CSMD1: variants seen among roughly 807,000 people sequenced by gnomAD.
The protein encoded by CSMD1 is CUB and Sushi multiple domains 1.
CSMD1 carries 213 observed loss-of-function variants against 417.5 expected under a neutral mutation model. The observed-to-expected ratio is 0.51, with a 90% confidence interval of 0.46 to 0.57. CSMD1 has a LOEUF of 0.57. Ranked by LOEUF, CSMD1 falls within the 20% of genes least tolerant of loss-of-function variation. The pLI is 0.00. For missense variants in CSMD1, 6,923 were observed against 4,529.7 expected, an observed-to-expected ratio of 1.53 and a Z score of -15.17; for synonymous variants, 2,862 against 1,736.8, an observed-to-expected ratio of 1.65 and a Z score of -16.11.
chr8:4,109,007 G>A (rs1381484273), intron 3 of CSMD1, among the ~76,000 whole-genome samples: 1 of 152,148 alleles, frequency 6.6e-6, no homozygotes, highest in Non-Finnish European at 1.5e-5. Flanking sequence ...ATTGGTTTCA[G>A]GACCTCCATG....
chr8:4,197,544 A>G (rs1799410557), intron 3 of CSMD1, among the ~76,000 whole-genome samples: 1 of 152,166 alleles, frequency 6.6e-6, no homozygotes, highest in African/African-American at 2.4e-5. Flanking sequence ...TCTTCCAACT[A>G]AAACACTGGT....
rs183437349 is a variant in CSMD1, at chr8:3,021,313, T to C, written c.7856-2663A>G. Among the ~76,000 whole-genome samples, 554 of 152,330 alleles carry C rather than the reference T, an allele frequency of 3.6e-3. 3 individuals carry two copies. Among genetic ancestry groups the C allele is most frequent in the African/African-American group, 0.012 (511 of 41,568 alleles). ...TTTTAGCTTTTCAGTAGCTGAATAA[T>C]AGAATTTCAGACCCAGAGTTTCCTT... On this transcript the variant is annotated intron_variant, in intron 51 of 69. Transcript: ENST00000635120.
rs1816989445 is a variant in CSMD1, at chr8:3,118,400, A to G, written c.6429T>C (p.Asp2143=). Residue 2143 remains aspartate, a splice_region_variant and synonymous_variant, in exon 42 of 70, where the codon GAT becomes GAC. Transcript: ENST00000635120. ...CCCCATGCAAAGTGATGAACTTACCATCACATCTTGGAAAAGGGTAGTTCC... is the reference window on the plus strand; with the variant it reads ...CCCCATGCAAAGTGATGAACTTACCGTCACATCTTGGAAAAGGGTAGTTCC... ...RNWNYPFPRC[D]APCGYNVTSQ... 1.9e-6 allele frequency: 3 copies of G among 1,611,244 alleles called. No individual in the cohort carries two copies. The highest frequency in any genetic ancestry group is 2.5e-6 in the Non-Finnish European group (3 of 1,178,240).
intron 1 of CSMD1, among the ~76,000 whole-genome samples, chr8:4,955,181 C>T (rs1044959879): frequency 6.6e-6 from 1 of 152,126 alleles, no homozygotes; most frequent in Admixed American, 6.5e-5. Context: ...ACCTACGGGG[C>T]TGTTCCCGTT....
At chr8:3,456,726 C>G (rs1373660555) in intron 12 of CSMD1, among the ~76,000 whole-genome samples, 1 of 152,080 alleles carries the variant, frequency 6.6e-6, no homozygotes, top group East Asian at 1.9e-4. Context: ...ATATTTGGAG[C>G]TGTTGATTTC....
chr8:3,169,685 G>C (rs1459268329), intron 37 of CSMD1, among the ~76,000 whole-genome samples: 1 of 151,986 alleles, frequency 6.6e-6, no homozygotes, highest in Non-Finnish European at 1.5e-5. Flanking sequence ...CAATAGAAAG[G>C]ACTGAGGAGC....
chr8:4,229,101 G>A (rs890034859), intron 3 of CSMD1, among the ~76,000 whole-genome samples: 3 of 152,190 alleles, frequency 2.0e-5, no homozygotes, highest in Admixed American at 6.5e-5. Context: ...TCCCAAGTGT[G>A]CTTTTCCACA....
intron 18 of CSMD1, among the ~76,000 whole-genome samples, 156 bp from the exon 19 acceptor site, chr8:3,369,526 G>T (rs1809814917): frequency 6.6e-6 from 1 of 152,128 alleles, no homozygotes; most frequent in Non-Finnish European, 1.5e-5. Flanking sequence ...TATGTTACTT[G>T]CAAATATCAT....
intron 41 of CSMD1, among the ~76,000 whole-genome samples, chr8:3,134,114 G>A (rs921970677): frequency 6.6e-6 from 1 of 152,308 alleles, no homozygotes; most frequent in Middle Eastern, 3.4e-3. Context: ...AGAGGTTGCA[G>A]TGAGCCGAGA....
chr8:3,428,995 A>G (rs995544322), intron 12 of CSMD1, among the ~76,000 whole-genome samples: 11 of 152,130 alleles, frequency 7.2e-5, no homozygotes, highest in Non-Finnish European at 1.5e-4. Flanking sequence ...AACTGATCTC[A>G]TTGGAGCAGA....
chr8:3,081,004 T>C (rs1814055762), intron 49 of CSMD1, among the ~76,000 whole-genome samples: 1 of 152,190 alleles, frequency 6.6e-6, no homozygotes, highest in Admixed American at 6.5e-5. Context: ...AGGAAAAATA[T>C]TCTCCCATAT....
In CSMD1 at chr8:3,643,269, T is replaced by C. The variant is rs905367145; in HGVS notation, c.1010-26472A>G. Among the ~76,000 whole-genome samples the C allele has an allele frequency of 2.0e-5, 3 of 151,364 alleles. No individual in the cohort carries two copies. In the East Asian group the frequency reaches 5.8e-4, roughly 29 times the overall value. On this transcript the variant is annotated intron_variant, in intron 7 of 69. Transcript: ENST00000635120. ...AAAGACAAAGAGAAGATTCCAAAAG[T>C]AGCCAAAGAGAACTGGATGGAAAGG...
chr8:3,312,209 CA>C (rs1563259855), intron 23 of CSMD1, among the ~76,000 whole-genome samples: 1 of 152,084 alleles, frequency 6.6e-6, no homozygotes, highest in East Asian at 1.9e-4. Context: ...ATCAATCATT[CA>C]ATATCAAAAG....
intron 10 of CSMD1, among the ~76,000 whole-genome samples, chr8:3,493,950 G>C (rs1334352024): frequency 6.6e-6 from 1 of 152,094 alleles, no homozygotes; most frequent in Non-Finnish European, 1.5e-5. Flanking sequence ...CCCAACTTAT[G>C]TATTTTCACC....
chr8:4,714,230 C>T (rs1463485815), intron 1 of CSMD1, among the ~76,000 whole-genome samples: 6 of 152,146 alleles, frequency 3.9e-5, no homozygotes, highest in East Asian at 1.9e-4. Flanking sequence ...TCTGTCATTC[C>T]GCCACCTCCC....
chr8:3,354,546 A>G (rs1445849091), intron 21 of CSMD1, among the ~76,000 whole-genome samples: 5 of 152,152 alleles, frequency 3.3e-5, no homozygotes, highest in Admixed American at 1.3e-4. Flanking sequence ...ATAGAAGTCT[A>G]TATTAATCAA....
intron 1 of CSMD1, among the ~76,000 whole-genome samples, chr8:4,752,740 G>A (rs1426753114): frequency 6.6e-6 from 1 of 152,166 alleles, no homozygotes; most frequent in South Asian, 2.1e-4. Flanking sequence ...TTGCTTCTTG[G>A]ATTTGCTCCG....
intron 10 of CSMD1, among the ~76,000 whole-genome samples, chr8:3,549,599 G>A (rs753542061): frequency 1.3e-5 from 2 of 152,164 alleles, no homozygotes; most frequent in African/African-American, 4.8e-5. Flanking sequence ...ATTATTGTGA[G>A]AGTGTGGCTT....
chr8:4,008,946 C>G (rs187219980), intron 4 of CSMD1, among the ~76,000 whole-genome samples: 57 of 152,184 alleles, frequency 3.7e-4, no homozygotes, highest in Non-Finnish European at 1.3e-4. Context: ...CCTATGATTT[C>G]CATGCCAAAG....
Sources: gnomAD v4.1 joint callset for allele counts (sites outside exome capture counted in the v4.1 genomes callset) on GRCh38, gnomAD v4.1.1 for gene constraint, MANE v1.5 for transcripts, NCBI Gene and HGNC (gene_info 2026-07-23, HGNC 2026-07-21) for gene names.